The following PHF20 variants were observed in gnomAD, a reference collection of about 807,000 sequenced individuals.
PHF20 encodes the protein glioma-expressed antigen 2.
A neutral mutation model predicts 113.5 loss-of-function variants in PHF20; 23 were observed. The ratio of observed to expected loss-of-function variants is 0.20; its 90% CI spans 0.15 to 0.29. The LOEUF is 0.29. Among genes scored for constraint, PHF20 ranks in the 10% least tolerant of loss-of-function variants. The pLI is 1.00. For missense variants in PHF20, 943 were observed against 1,219.6 expected, an observed-to-expected ratio of 0.77 and a Z score of 3.38; for synonymous variants, 434 against 457.3, an observed-to-expected ratio of 0.95 and a Z score of 0.65.
chr20:35,864,401 T>G (rs2054275612), intron 6 of PHF20, among the ~76,000 whole-genome samples: 1 of 130,164 alleles, frequency 7.7e-6, no homozygotes, highest in African/African-American at 3.1e-5. Flanking sequence ...TGACACCCCA[T>G]CTCAAAACAC....
intron 4 of PHF20, among the ~76,000 whole-genome samples, chr20:35,848,135 C>T (rs1025271087): frequency 4.6e-5 from 7 of 152,102 alleles, no homozygotes; most frequent in African/African-American, 1.4e-4. Flanking sequence ...GAAGTCAGGC[C>T]TCTTGATGCC....
intron 2 of PHF20, among the ~76,000 whole-genome samples, chr20:35,837,145 C>T (rs1488194768): frequency 6.6e-6 from 1 of 152,092 alleles, no homozygotes; most frequent in Non-Finnish European, 1.5e-5. Flanking sequence ...TGTACCCCAT[C>T]CTGGGTGACA....
Position 35,947,356 on chromosome 20 carries a change from TGGAG to T in PHF20, c.2897-127_2897-124del. On this transcript the variant is annotated intron_variant, in intron 17 of 17. Transcript: ENST00000374012. ...AAATGGCCCTTCCTCCCTTGCCCCA[TGGAG>T]GCTGAAATGGCCCTTCCTCCCTTGC... 4 of 859,180 alleles carry T rather than the reference TGGAG, an allele frequency of 4.7e-6. 1 individual carries two copies. The South Asian group carries it at 8.4e-5, about 18-fold the overall frequency. 53.2% of individuals were successfully genotyped at this position (859,180 alleles called of 1,614,324 possible).
intron 2 of PHF20, among the ~76,000 whole-genome samples, chr20:35,821,785 G>A (rs865975981): frequency 6.6e-6 from 1 of 152,310 alleles, no homozygotes; most frequent in Admixed American, 6.5e-5. Context: ...GAACTAAAAA[G>A]CAGTGGGGGA....
At chr20:35,842,049 A>T (rs1162800346) in intron 2 of PHF20, among the ~76,000 whole-genome samples, 2 of 152,106 alleles carry the variant, frequency 1.3e-5, no homozygotes, top group African/African-American at 4.8e-5. Context: ...AGTTTAATTT[A>T]ATGGTTCATA....
intron 17 of PHF20, among the ~76,000 whole-genome samples, chr20:35,945,600 C>T (rs1433122425): frequency 1.3e-5 from 2 of 152,024 alleles, no homozygotes; most frequent in Non-Finnish European, 2.9e-5. Flanking sequence ...TTGCTGCACT[C>T]CAGGGTCCAG....
Position 35,899,644 on chromosome 20 carries a change from C to T in PHF20, c.1557C>T (p.Ser519=). 2.5e-6 allele frequency: 4 copies of T among 1,613,662 alleles called. No individual in the cohort carries two copies. The highest frequency in any genetic ancestry group is 1.3e-5 in the African/African-American group (1 of 74,976). The change falls in exon 10 of 18, where the codon TCC becomes TCT. Residue 519 remains serine, a synonymous_variant. Transcript: ENST00000374012. ...TLTRKRVSAS[S]PTTKDKEKNK... is the part of the protein sequence containing the mutation. ...CCAGGAAGCGGGTCTCTGCCAGTTC[C>T]CCAAGTAAGTATCTTCATTCTTCAT...
intron 6 of PHF20, among the ~76,000 whole-genome samples, chr20:35,864,956 C>A (rs879871574): frequency 6.6e-6 from 1 of 151,984 alleles, no homozygotes; most frequent in Non-Finnish European, 1.5e-5. Context: ...GAGGTCCAGG[C>A]GGGTGGATTA....
chr20:35,897,129 G>T (rs937262500), intron 9 of PHF20, among the ~76,000 whole-genome samples: 1 of 152,092 alleles, frequency 6.6e-6, no homozygotes, highest in Non-Finnish European at 1.5e-5. Flanking sequence ...AACCTGCTGG[G>T]CTCAAGGGAT....
intron 2 of PHF20, among the ~76,000 whole-genome samples, chr20:35,805,853 T>A (rs2041869849): frequency 6.6e-6 from 1 of 151,748 alleles, no homozygotes; most frequent in Non-Finnish European, 1.5e-5. Flanking sequence ...ACTCTGGTAT[T>A]TTTTTCAGTT....
intron 12 of PHF20, among the ~76,000 whole-genome samples, chr20:35,914,432 T>C (rs2055363344): frequency 6.6e-6 from 1 of 152,178 alleles, no homozygotes; most frequent in Non-Finnish European, 1.5e-5. Context: ...TTGGAAAATA[T>C]TGTTGTGTTG....
At chr20:35,933,125 G>C (rs2055793084) in intron 15 of PHF20, among the ~76,000 whole-genome samples, 1 of 148,972 alleles carries the variant, frequency 6.7e-6, no homozygotes, top group Admixed American at 6.7e-5. Flanking sequence ...TTTTTAACAA[G>C]AGATGGAGTC....
intron 7 of PHF20, among the ~76,000 whole-genome samples, chr20:35,870,351 G>C (rs1415964533): frequency 6.6e-6 from 1 of 150,466 alleles, no homozygotes; most frequent in East Asian, 2.0e-4. Context: ...TGTGGTGGCG[G>C]GTGCCTGTAA....
rs1473358641 is a variant in PHF20 at position 35,949,025 on chromosome 20, A to G, written c.*1398A>G. ...TAGTTAAGCACAGGTCATTGTGGACATGAATTCAGGCCTCTGTACTAAAAT... is the reference window on the plus strand; with the variant it reads ...TAGTTAAGCACAGGTCATTGTGGACGTGAATTCAGGCCTCTGTACTAAAAT... On this transcript the variant is annotated 3_prime_UTR_variant, in exon 18 of 18. Transcript: ENST00000374012. 6.5e-6 allele frequency: 1 copy of G among 152,686 alleles called. No homozygotes were observed. Among genetic ancestry groups the G allele is most frequent in the Non-Finnish European group, 1.5e-5 (1 of 68,050 alleles). The allele number at this position is 152,686 out of a possible 1,614,324, so 9.5% of individuals were successfully genotyped here.
intron 1 of PHF20, among the ~76,000 whole-genome samples, chr20:35,781,310 AT>A (rs1372147357): frequency 1.5e-4 from 23 of 150,086 alleles, no homozygotes; most frequent in Non-Finnish European, 3.1e-4. Flanking sequence ...CATCCGGCTA[AT>A]TTTCATATTT....
chr20:35,853,693 G>A (rs1345879550), intron 4 of PHF20, among the ~76,000 whole-genome samples: 5 of 152,126 alleles, frequency 3.3e-5, no homozygotes, highest in African/African-American at 4.8e-5. Context: ...AGGAGTTTGA[G>A]GCTGCAGTGA....
At chr20:35,913,051 G>A (rs1228023228) in intron 10 of PHF20, among the ~76,000 whole-genome samples, 198 bp from the exon 11 acceptor site, 3 of 152,134 alleles carry the variant, frequency 2.0e-5, no homozygotes, top group South Asian at 2.1e-4. Context: ...TTACAATGAC[G>A]GGCCATGGGC....
chr20:35,920,032 G>A (rs1222888654), intron 13 of PHF20, among the ~76,000 whole-genome samples: 1 of 152,166 alleles, frequency 6.6e-6, no homozygotes, highest in Non-Finnish European at 1.5e-5. Flanking sequence ...AGCTCTGTGT[G>A]CTTTCATTAC....
At chr20:35,930,083 C>G (rs1050163465) in intron 14 of PHF20, among the ~76,000 whole-genome samples, 1 of 152,150 alleles carries the variant, frequency 6.6e-6, no homozygotes, top group Non-Finnish European at 1.5e-5. Flanking sequence ...TCCTAAGGAG[C>G]CCTGTAACAA....
Sources: gnomAD v4.1 joint callset for allele counts (sites outside exome capture counted in the v4.1 genomes callset) on GRCh38, gnomAD v4.1.1 for gene constraint, MANE v1.5 for transcripts, NCBI Gene and HGNC (gene_info 2026-07-23, HGNC 2026-07-21) for gene names.